The following TULP4 variants were observed in gnomAD, a reference collection of about 807,000 sequenced individuals.
TULP4 encodes TUB like protein 4.
TULP4 carries 16 observed loss-of-function variants against 129.0 expected under a neutral mutation model. The ratio of observed to expected loss-of-function variants is 0.12; its 90% CI spans 0.08 to 0.19. The LOEUF (loss-of-function observed/expected upper bound fraction) is 0.19, where lower values mean the gene tolerates loss of function less well. Among genes scored for constraint, TULP4 ranks in the 10% least tolerant of loss-of-function variants. The pLI, the probability that TULP4 is intolerant of heterozygous loss-of-function variation, is 1.00. For missense variants in TULP4, 1,842 were observed against 2,059.1 expected (o/e 0.89, Z 2.04); for synonymous variants, 998 against 854.0 (o/e 1.17, Z -2.94).
At position 158,246,023 on chromosome 6, in the gene TULP4, G is replaced by GGTGTGTGTGTGTGT. The variant is rs66690741; in HGVS notation, n.68+13747_68+13760dup. Among the ~76,000 whole-genome samples the GGTGTGTGTGTGTGT allele has an allele frequency of 7.4e-3, 1,086 of 145,882 alleles. 10 individuals carry two copies. Among genetic ancestry groups the GGTGTGTGTGTGTGT allele is most frequent in the Middle Eastern group, 0.014 (4 of 282 alleles). On this transcript the variant is annotated intron_variant and non_coding_transcript_variant, in intron 1 of 1. Transcript: ENST00000620026. ...GTGAGTAATTTGCCTACCCCTTAGG[G>GGTGTGTGTGTGTGT]GTGTGTGTGTGTGTGTGTGTGTGTG...
At chr6:158,403,566 C>G (rs1003945868) in intron 1 of TULP4, among the ~76,000 whole-genome samples, 6 of 152,140 alleles carry the variant, frequency 3.9e-5, no homozygotes, top group Admixed American at 2.0e-4. Flanking sequence ...TCTTGAACTC[C>G]TGACCTCAGG....
chr6:158,388,624 C>T (rs1305466227), intron 1 of TULP4, among the ~76,000 whole-genome samples: 8 of 145,988 alleles, frequency 5.5e-5, no homozygotes, highest in South Asian at 4.4e-4. Context: ...CCACCGTGCC[C>T]GGCCTAATAA....
At chr6:158,305,639 A>G (rs1364741731) in intron 1 of TULP4, among the ~76,000 whole-genome samples, 1 of 151,754 alleles carries the variant, frequency 6.6e-6, no homozygotes, top group African/African-American at 2.4e-5. Flanking sequence ...TAGGAGTTCA[A>G]GGCTGCAGTG....
In TULP4 at chr6:158,387,718, A is replaced by G. The variant is rs539033589; in HGVS notation, c.253-25347A>G. Among the ~76,000 whole-genome samples the G allele has an allele frequency of 2.7e-4, 41 of 152,294 alleles. 1 individual carries two copies. In the South Asian group the frequency reaches 6.4e-3, roughly 24 times the overall value. The stretch of plus-strand genomic sequence containing the variant: ...TGGCTTCTTTTTTTTCTTAACTTAA[A>G]GCTAATTCACATTATGCAATTCAGC... On this transcript the variant is annotated intron_variant, in intron 1 of 13. Transcript: ENST00000367097.
rs191309463 is a variant in TULP4, at chr6:158,249,539, A to G, written n.68+17236A>G. 4.1e-4 allele frequency among the ~76,000 whole-genome samples: 63 copies of G among 152,288 alleles called. No homozygotes were observed. The Middle Eastern group carries it at 0.014, about 33-fold the overall frequency. On this transcript the variant is annotated intron_variant and non_coding_transcript_variant, in intron 1 of 1. Transcript: ENST00000620026. ...AGGATTGGGATGCTGCCCAGAATCT[A>G]TCTATTGTAGCTTACTCTAATGCAT...
At chr6:158,381,195 T>C (rs1435073350) in intron 1 of TULP4, among the ~76,000 whole-genome samples, 1 of 151,658 alleles carries the variant, frequency 6.6e-6, no homozygotes, top group East Asian at 1.9e-4. Context: ...GTTTTTTCTC[T>C]CAAAGTAGTG....
At position 158,506,867 on chromosome 6, in the gene TULP4, G is replaced by C; in HGVS notation, c.*173G>C. 3.4e-6 allele frequency: 2 copies of C among 590,728 alleles called. No individual in the cohort carries two copies. The highest frequency in any genetic ancestry group is 6.0e-6 in the Non-Finnish European group (2 of 331,480). 36.6% of individuals were successfully genotyped at this position (590,728 alleles called of 1,614,324 possible). On this transcript the variant is annotated 3_prime_UTR_variant, in exon 14 of 14. Coordinates refer to ENST00000367097, the MANE Select transcript of TULP4 (RefSeq NM_020245.5). ...GCTGACCTGTGGTCGTCATTTATTTGGTTGGGTTTTATTACCTTTTATTGT... is the reference window on the plus strand; with the variant it reads ...GCTGACCTGTGGTCGTCATTTATTTCGTTGGGTTTTATTACCTTTTATTGT...
In TULP4 at chr6:158,503,458, C is replaced by T. The variant is rs752164676; in HGVS notation, c.3795C>T (p.Ser1265=). 6.2e-7 allele frequency: 1 copy of T among 1,613,884 alleles called. No homozygotes were observed. Among genetic ancestry groups the T allele is most frequent in the East Asian group, 2.2e-5 (1 of 44,880 alleles). ...CTGTCGCCTTGCATCCATGGAGTTC[C>T]TACAGCGCCTGCCCGCCCATGCAGA... ...LPPVALHPWS[S]YSACPPMQNP... The change falls in exon 13 of 14, where the codon TCC becomes TCT. Residue 1265 remains serine, a synonymous_variant. Transcript: ENST00000367097. The surrounding 1 kb of genome is among the most constrained non-coding windows in gnomAD (Gnocchi z 4.3).
intron 2 of TULP4, chr6:158,428,436 A>G (rs1039476762): frequency 6.6e-6 from 1 of 152,248 alleles, no homozygotes; most frequent in African/African-American, 2.4e-5. Flanking sequence ...TCAACTGTGC[A>G]TATAAAAGAC....
intron 1 of TULP4, among the ~76,000 whole-genome samples, chr6:158,362,699 TG>T (rs1780823790): frequency 6.6e-6 from 1 of 152,244 alleles, no homozygotes; most frequent in African/African-American, 2.4e-5. Context: ...CTTTGGTGTC[TG>T]GGGTTGTAGA....
chr6:158,242,685 C>CAATG, intron 1 of TULP4: 1 of 607,120 alleles, frequency 1.6e-6, no homozygotes, highest in Non-Finnish European at 3.1e-6. Context: ...ACAATGCAGG[C>CAATG]CAGTTACATC....
rs529802399 is a variant in TULP4 at position 158,508,268 on chromosome 6, G to C, written c.*1574G>C. ...GCAGGAGCACAGGAACTATCTGCTG[G>C]CGTTGGGTTCCAAATTTGCATTTTA... On this transcript the variant is annotated 3_prime_UTR_variant, in exon 14 of 14. Coordinates refer to ENST00000367097, the MANE Select transcript of TULP4 (RefSeq NM_020245.5). 2 of 152,284 alleles carry C rather than the reference G, an allele frequency of 1.3e-5. No individual in the cohort carries two copies. The highest frequency in any genetic ancestry group is 3.4e-3 in the Middle Eastern group (1 of 294). The allele number at this position is 152,284 out of a possible 1,614,324, so 9.4% of individuals were successfully genotyped here.
rs369743757 is a variant in TULP4 at position 158,277,014 on chromosome 6, A to G, written n.69-35037A>G. Reference sequence around the variant, plus strand: ...AAGTGCAGTGGTGCAATCATGGCTCACTGCAGCCTCAACTTCCCAGGCTCA... The same window carrying G: ...AAGTGCAGTGGTGCAATCATGGCTCGCTGCAGCCTCAACTTCCCAGGCTCA... On this transcript the variant is annotated intron_variant and non_coding_transcript_variant, in intron 1 of 1. Coordinates refer to the TULP4 transcript ENST00000620026. Among the ~76,000 whole-genome samples, 308 of 151,976 alleles carry G rather than the reference A, an allele frequency of 2.0e-3. 1 individual carries two copies. Among genetic ancestry groups the G allele is most frequent in the African/African-American group, 7.0e-3 (290 of 41,434 alleles).
intron 1 of TULP4, among the ~76,000 whole-genome samples, chr6:158,409,320 T>C (rs1778036182): frequency 1.3e-5 from 2 of 152,296 alleles, no homozygotes; most frequent in South Asian, 4.1e-4. Context: ...GGGTAATAGG[T>C]TGGTATCTTT....
rs754455276 is a variant in TULP4 at position 158,503,198 on chromosome 6, G to A, written c.3535G>A (p.Ala1179Thr). The change falls in exon 13 of 14, where the codon GCC becomes ACC. Residue 1179 changes from alanine (A) to threonine (T), a missense_variant. Physicochemically the swap from Ala to Thr is moderately conservative, Grantham distance 58. Coordinates refer to ENST00000367097, the MANE Select transcript of TULP4 (RefSeq NM_020245.5). This position sits in a 1 kb window ranked among gnomAD's most constrained non-coding sequence, Gnocchi z 4.3. The part of the protein sequence containing the change: ...ISPKSPASPT[A>T]TFQTGYGMGV... ...CCCCAAGTCTCCTGCCAGCCCCACT[G>A]CCACTTTCCAAACAGGCTATGGGAT... The A allele has an allele frequency of 1.2e-5, 20 of 1,613,816 alleles. No homozygotes were observed. Among genetic ancestry groups the A allele is most frequent in the Admixed American group, 6.7e-5 (4 of 59,992 alleles).
At position 158,504,040 on chromosome 6, in the gene TULP4, C is replaced by A; in HGVS notation, c.4377C>A (p.Gly1459=). The A allele has an allele frequency of 6.2e-7, 1 of 1,610,076 alleles. No individual in the cohort carries two copies. Among genetic ancestry groups the A allele is most frequent in the Non-Finnish European group, 8.5e-7 (1 of 1,178,312 alleles). The change falls in exon 13 of 14, where the codon GGC becomes GGA. Residue 1459 remains glycine (G), a synonymous_variant. Coordinates refer to ENST00000367097, the MANE Select transcript of TULP4 (RefSeq NM_020245.5). ...GTGAGAAGGAGGACGGGCGGCTGGG[C>A]AGCCAAGGCTTCGTGTACGTGATGG... ...RASEKEDGRL[G]SQGFVYVMAN...
chr6:158,359,740 A>G (rs1780725359), intron 1 of TULP4, among the ~76,000 whole-genome samples: 1 of 152,158 alleles, frequency 6.6e-6, no homozygotes, highest in South Asian at 2.1e-4. Context: ...CTTCAGTCCA[A>G]TCAAGTTGAC....
At chr6:158,335,542 A>T (rs867350775) in intron 1 of TULP4, among the ~76,000 whole-genome samples, 5 of 152,336 alleles carry the variant, frequency 3.3e-5, no homozygotes, top group South Asian at 2.1e-4. Context: ...GAGAAGTAAC[A>T]TTACATTCAT....
chr6:158,233,713 G>T lies in TULP4; in HGVS notation n.68+1410G>T, dbSNP rs543835466. ...TGAATGGGAGAGTCACAAGTGTCCTGTCTTCTAGTGAAGTCCTTGATAGGT... is the reference window on the plus strand; with the variant it reads ...TGAATGGGAGAGTCACAAGTGTCCTTTCTTCTAGTGAAGTCCTTGATAGGT... On this transcript the variant is annotated intron_variant and non_coding_transcript_variant, in intron 1 of 1. Transcript: ENST00000620026. 3.3e-5 allele frequency among the ~76,000 whole-genome samples: 5 copies of T among 152,342 alleles called. No homozygotes were observed. In the South Asian group the frequency reaches 8.3e-4, roughly 25 times the overall value.
Sources: allele counts gnomAD v4.1 joint callset (sites outside exome capture counted in the v4.1 genomes callset), GRCh38; gene constraint gnomAD v4.1.1; non-coding constraint Gnocchi (gnomAD v3.1); transcripts MANE v1.5; gene names NCBI Gene and HGNC (gene_info 2026-07-23, HGNC 2026-07-21).